NR3C2: variants seen among roughly 807,000 people sequenced by gnomAD.
NR3C2 encodes nuclear receptor subfamily 3 group C member 2, also known as mineralocorticoid receptor.
A neutral mutation model predicts 86.4 loss-of-function variants in NR3C2; 15 were observed. That is an observed-to-expected ratio of 0.17 (90% CI 0.12 to 0.27). The LOEUF (loss-of-function observed/expected upper bound fraction) is 0.27, where lower values mean the gene tolerates loss of function less well. NR3C2 is among the 10% of genes least tolerant of loss of function. The pLI, the probability that NR3C2 is intolerant of heterozygous loss-of-function variation, is 1.00. For synonymous variants in NR3C2, 458 were observed against 450.5 expected, an observed-to-expected ratio of 1.02 and a Z score of -0.21; for missense variants, 960 against 1,195.6, an observed-to-expected ratio of 0.80 and a Z score of 2.91.
chr4:148,243,474 C>T (rs980285203), intron 3 of NR3C2, among the ~76,000 whole-genome samples: 10 of 152,188 alleles, frequency 6.6e-5, no homozygotes, highest in Admixed American at 4.6e-4. Flanking sequence ...TTTTAAAAGG[C>T]TTTCCAATAT....
chr4:148,345,344 T>C (rs1277170252), intron 2 of NR3C2, among the ~76,000 whole-genome samples: 1 of 151,298 alleles, frequency 6.6e-6, no homozygotes, highest in Non-Finnish European at 1.5e-5. Flanking sequence ...AAATGAAAAA[T>C]GAGGTGGCAA....
intron 2 of NR3C2, among the ~76,000 whole-genome samples, chr4:148,297,084 C>A (rs1742088916): frequency 6.6e-6 from 1 of 152,104 alleles, no homozygotes; most frequent in Non-Finnish European, 1.5e-5. Flanking sequence ...CTGAATAACA[C>A]AGAATGATCT....
upstream of NR3C2, chr4:148,442,771 T>G: frequency 1.0e-6 from 1 of 985,302 alleles, no homozygotes; most frequent in East Asian, 1.1e-4. Flanking sequence ...GGTGGCTACA[T>G]CAGGCGGCCT....
At chr4:148,141,149 GCGGC>G (rs1355454187) in intron 6 of NR3C2, among the ~76,000 whole-genome samples, 1 of 151,862 alleles carries the variant, frequency 6.6e-6, no homozygotes, top group Non-Finnish European at 1.5e-5. Context: ...ATGTATTTTT[GCGGC>G]CGGGTGTGGT....
rs1258200187 is a variant in NR3C2, at chr4:148,318,042, C to G, written c.1758-57925G>C. 3.9e-5 allele frequency among the ~76,000 whole-genome samples: 5 copies of G among 127,606 alleles called. No individual in the cohort carries two copies. In the Admixed American group the frequency reaches 4.8e-4, roughly 12 times the overall value. The allele number at this position is 127,606 out of a possible 152,430, so 83.7% of individuals were successfully genotyped here. On this transcript the variant is annotated intron_variant, in intron 2 of 8. Coordinates refer to ENST00000358102, the MANE Select transcript of NR3C2 (RefSeq NM_000901.5). The stretch of plus-strand genomic sequence containing the variant: ...CCTCCCCCCTCCCCCCACCCCACAA[C>G]AGTCCCCAGAGTGTGATATTCCCCT...
At chr4:148,093,200 T>C (rs1731135711) in intron 8 of NR3C2, among the ~76,000 whole-genome samples, 1 of 152,226 alleles carries the variant, frequency 6.6e-6, no homozygotes, top group African/African-American at 2.4e-5. Flanking sequence ...CTGATGGCAC[T>C]TGGCTCGCTC....
intron 2 of NR3C2, among the ~76,000 whole-genome samples, chr4:148,382,254 T>C (rs1453388730): frequency 1.3e-5 from 2 of 152,216 alleles, no homozygotes; most frequent in Non-Finnish European, 2.9e-5. Flanking sequence ...GAGTTAGTTA[T>C]TATTTATTCA....
intron 2 of NR3C2, among the ~76,000 whole-genome samples, chr4:148,352,808 C>T (rs1233356224): frequency 1.3e-5 from 2 of 152,094 alleles, no homozygotes; most frequent in African/African-American, 4.8e-5. Context: ...TAGAGAGATG[C>T]AAATAATCTA....
intron 2 of NR3C2, among the ~76,000 whole-genome samples, chr4:148,347,739 T>C (rs990940784): frequency 6.6e-6 from 1 of 152,168 alleles, no homozygotes; most frequent in South Asian, 2.1e-4. Context: ...TTGCACTCTT[T>C]GAGCTTACAA....
At chr4:148,081,806 C>A (rs1578860004) in intron 8 of NR3C2, among the ~76,000 whole-genome samples, 1 of 152,186 alleles carries the variant, frequency 6.6e-6, no homozygotes, top group East Asian at 1.9e-4. Context: ...GAACTGCACT[C>A]ATCAAATTCT....
chr4:148,126,459 T>C (rs1167938027), intron 6 of NR3C2, among the ~76,000 whole-genome samples: 1 of 152,218 alleles, frequency 6.6e-6, no homozygotes, highest in Non-Finnish European at 1.5e-5. Context: ...TATTTCTATA[T>C]AGAAGATGGC....
At chr4:148,274,137 A>C (rs989206579) in intron 2 of NR3C2, among the ~76,000 whole-genome samples, 1 of 152,100 alleles carries the variant, frequency 6.6e-6, no homozygotes, top group Non-Finnish European at 1.5e-5. Context: ...GAGAGAAATA[A>C]TATCTTTGTA....
chr4:148,137,467 C>T (rs1031177545), intron 6 of NR3C2, among the ~76,000 whole-genome samples: 1 of 152,082 alleles, frequency 6.6e-6, no homozygotes, highest in African/African-American at 2.4e-5. Flanking sequence ...GTAAATGGCA[C>T]GTGGTAGGCT....
In NR3C2 at chr4:148,392,907, T is replaced by G. The variant is rs61756933; in HGVS notation, c.1757+42197A>C. Among the ~76,000 whole-genome samples, 364 of 152,346 alleles carry G rather than the reference T, an allele frequency of 2.4e-3. 1 individual carries two copies. Among genetic ancestry groups the G allele is most frequent in the Non-Finnish European group, 4.6e-3 (312 of 68,026 alleles). On this transcript the variant is annotated intron_variant, in intron 2 of 8. Coordinates refer to ENST00000358102, the MANE Select transcript of NR3C2 (RefSeq NM_000901.5). ...TTCATAGGTAGTCAGCAGCTGCTAA[T>G]GTTCACAGTTCTCTTCCATTTTTAT...
At chr4:148,307,846 T>TA (rs200007641) in intron 2 of NR3C2, among the ~76,000 whole-genome samples, 57 of 149,068 alleles carry the variant, frequency 3.8e-4, no homozygotes, top group Admixed American at 1.1e-3. Flanking sequence ...TCTGCATCAT[T>TA]AAAAAAAACA....
intron 3 of NR3C2, among the ~76,000 whole-genome samples, chr4:148,216,963 C>T (rs1737570580): frequency 6.6e-6 from 1 of 152,162 alleles, no homozygotes; most frequent in South Asian, 2.1e-4. Context: ...TGCTGAAAGC[C>T]ACCACCACAG....
At chr4:148,154,174 A>C (rs1734236134) in intron 5 of NR3C2, among the ~76,000 whole-genome samples, 1 of 151,782 alleles carries the variant, frequency 6.6e-6, no homozygotes, top group South Asian at 2.1e-4. Context: ...AAGCAGGACT[A>C]ATTTTTGTGT....
chr4:148,154,459 C>G (rs1734253268), intron 5 of NR3C2, 92 bp downstream of exon 5: 9 of 1,178,726 alleles, frequency 7.6e-6, no homozygotes, highest in Non-Finnish European at 1.1e-5. Flanking sequence ...TCATAGAACG[C>G]AAACTCCTCC....
rs576801286 is a variant in NR3C2 at position 148,439,371 on chromosome 4, A to C, written c.-2-2509T>G. Among the ~76,000 whole-genome samples, 8 of 152,290 alleles carry C rather than the reference A, an allele frequency of 5.3e-5. No homozygotes were observed. The South Asian group carries it at 1.7e-3, about 32-fold the overall frequency. On this transcript the variant is annotated intron_variant, in intron 1 of 8. Coordinates refer to ENST00000358102, the MANE Select transcript of NR3C2 (RefSeq NM_000901.5). ...GTATTCAAAACTGAACACTTTCTGC[A>C]CATCTCTCCCCCCACACACCCCCAA...
Sources: gnomAD v4.1 joint callset for allele counts (sites outside exome capture counted in the v4.1 genomes callset) on GRCh38, gnomAD v4.1.1 for gene constraint, MANE v1.5 for transcripts, NCBI Gene and HGNC (gene_info 2026-07-23, HGNC 2026-07-21) for gene names.